ZNF354B: variants seen among roughly 807,000 people sequenced by gnomAD.
ZNF354B encodes zinc finger protein 354B.
In ZNF354B, 10 loss-of-function variants were observed where a neutral mutation model predicts 12.9. The ratio of observed to expected loss-of-function variants is 0.77; its 90% CI spans 0.48 to 1.31. The LOEUF (loss-of-function observed/expected upper bound fraction) is 1.31. Among genes scored for constraint, ZNF354B ranks in the 40% most tolerant of loss-of-function variants. The pLI, the probability that ZNF354B is intolerant of heterozygous loss-of-function variation, is 0.00. For missense variants in ZNF354B, 614 were observed against 711.7 expected (o/e 0.86, Z 1.56); for synonymous variants, 260 against 243.7 (o/e 1.07, Z -0.62).
chr5:178,870,478 C>A (rs1198538981), intron 4 of ZNF354B, among the ~76,000 whole-genome samples: 2 of 152,176 alleles, frequency 1.3e-5, no homozygotes, highest in Non-Finnish European at 2.9e-5. Flanking sequence ...CCGCGTTTTG[C>A]CATGTTGGCC....
At chr5:178,867,891 G>A (rs1466064704) in intron 4 of ZNF354B, among the ~76,000 whole-genome samples, 3 of 152,146 alleles carry the variant, frequency 2.0e-5, no homozygotes, top group East Asian at 1.9e-4. Context: ...TATTCATGAC[G>A]TTGCTATGTG....
chr5:178,882,610 A>G (rs1757732522), intron 4 of ZNF354B, 99 bp from the exon 5 acceptor site: 4 of 1,257,666 alleles, frequency 3.2e-6, no homozygotes, highest in Middle Eastern at 2.9e-4. Context: ...TTAGTCATAT[A>G]GCAAACCCTT....
In ZNF354B at chr5:178,883,264, T is replaced by C. The variant is rs777885840; in HGVS notation, c.812T>C (p.Ile271Thr). The part of the protein sequence containing the change: ...QRTHTGEKPY[I>T]CKECGKAFSH... ...ACTCATACAGGAGAGAAACCCTATA[T>C]ATGTAAAGAATGTGGGAAAGCCTTC... The change falls in exon 5 of 5, where the codon ATA becomes ACA. Residue 271 changes from isoleucine (I) to threonine (T), a missense_variant. Coordinates refer to ENST00000322434, the MANE Select transcript of ZNF354B (RefSeq NM_058230.3). The C allele has an allele frequency of 3.1e-6, 5 of 1,613,110 alleles. No individual in the cohort carries two copies. Among genetic ancestry groups the C allele is most frequent in the Non-Finnish European group, 3.4e-6 (4 of 1,179,800 alleles).
In ZNF354B at chr5:178,883,156, A is replaced by G. The variant is rs775272690; in HGVS notation, c.704A>G (p.Asn235Ser). The stretch of plus-strand genomic sequence containing the variant: ...TCATCCCTTCGTAAACATCAGAAAA[A>G]CCACACTGGAGAAAAATTATTTAAA... Reference protein sequence around the residue: ...HNSSLRKHQKNHTGEKLFKCK... With the variant: ...HNSSLRKHQKSHTGEKLFKCK... The change falls in exon 5 of 5, where the codon AAC becomes AGC. Residue 235 changes from asparagine to serine, a missense_variant. Transcript: ENST00000322434. The G allele has an allele frequency of 1.2e-6, 2 of 1,613,532 alleles. No individual in the cohort carries two copies. Among genetic ancestry groups the G allele is most frequent in the Admixed American group, 3.3e-5 (2 of 59,938 alleles).
chr5:178,866,650 T>G (rs1186020385), intron 3 of ZNF354B, among the ~76,000 whole-genome samples: 1 of 152,176 alleles, frequency 6.6e-6, no homozygotes, highest in African/African-American at 2.4e-5. Flanking sequence ...CCTGCTTTGG[T>G]TGTTCTGTGG....
rs1215508285 is a variant in ZNF354B, at chr5:178,883,613, T to C, written c.1161T>C (p.Cys387=). 8 of 1,613,556 alleles carry C rather than the reference T, an allele frequency of 5.0e-6. No individual in the cohort carries two copies. The highest frequency in any genetic ancestry group is 6.8e-6 in the Non-Finnish European group (8 of 1,179,660). ...AGAAGCCTTTTAAATGTAGTGAATG[T>C]GGGAGAGCCTTCAGCCAGAGTGCCT... ...TGEKPFKCSE[C]GRAFSQSASL... is the part of the protein sequence containing the mutation. Residue 387 remains cysteine, a synonymous_variant, in exon 5 of 5, where the codon TGT becomes TGC. Transcript: ENST00000322434.
intron 2 of ZNF354B, among the ~76,000 whole-genome samples, chr5:178,866,032 T>C (rs111910613): frequency 0.15 from 22,599 of 149,890 alleles, 2,062 homozygotes; most frequent in African/African-American, 0.26. Flanking sequence ...CTCTACCCAT[T>C]TCTTACAGTG....
rs2114031627 is a variant in ZNF354B at position 178,883,397 on chromosome 5, A to G, written c.945A>G (p.Ile315Met). Residue 315 changes from isoleucine (I) to methionine (M), a missense_variant, in exon 5 of 5, where the codon ATA becomes ATG. Coordinates refer to ENST00000322434, the MANE Select transcript of ZNF354B (RefSeq NM_058230.3). ...TCAGTCGAAGGTCTGGGCTTTTTAT[A>G]CATCAAAAAATCCATGCTCAAGAAA... ...KSFSRRSGLFIHQKIHAQENP... is the reference protein window; with the variant it reads ...KSFSRRSGLFMHQKIHAQENP... The G allele has an allele frequency of 6.2e-7, 1 of 1,614,146 alleles. No homozygotes were observed. Among genetic ancestry groups the G allele is most frequent in the Admixed American group, 1.7e-5 (1 of 60,032 alleles).
intron 1 of ZNF354B, among the ~76,000 whole-genome samples, chr5:178,860,404 G>A (rs1757327907): frequency 6.8e-6 from 1 of 148,004 alleles, no homozygotes; most frequent in South Asian, 2.1e-4. Context: ...GCGGACTCGG[G>A]GCGCCGGGAC....
At chr5:178,860,556 G>T (rs1339346533) in intron 1 of ZNF354B, 4 of 193,960 alleles carry the variant, frequency 2.1e-5, no homozygotes, top group Non-Finnish European at 4.2e-5. Context: ...TGGCGGGAGA[G>T]AGAGGAACCG....
At chr5:178,873,264 C>G (rs186155941) in intron 4 of ZNF354B, among the ~76,000 whole-genome samples, 5 of 152,150 alleles carry the variant, frequency 3.3e-5, no homozygotes, top group African/African-American at 1.2e-4. Flanking sequence ...ATCGTTTTTA[C>G]TGGTTCTTTT....
Position 178,866,243 on chromosome 5 carries a change from G to A in ZNF354B, c.34-1G>A, listed in dbSNP as rs753264927. 6.2e-7 allele frequency: 1 copy of A among 1,614,062 alleles called. No homozygotes were observed. The highest frequency in any genetic ancestry group is 8.5e-7 in the Non-Finnish European group (1 of 1,179,940). The stretch of plus-strand genomic sequence containing the variant: ...TGAGCTGGAACGACTTGTCCTTACA[G>A]GTGTCACTGACATTCGAGGACGTGG... On this transcript the variant is annotated splice_acceptor_variant, in intron 2 of 4. Transcript: ENST00000322434. LOFTEE classifies it high-confidence loss of function.
chr5:178,865,629 A>G (rs1757435550), intron 2 of ZNF354B, among the ~76,000 whole-genome samples: 3 of 152,182 alleles, frequency 2.0e-5, no homozygotes, highest in African/African-American at 4.8e-5. Context: ...AATGGGAACG[A>G]TAACTATTTT....
chr5:178,862,351 C>T (rs915081023), intron 2 of ZNF354B, among the ~76,000 whole-genome samples: 3 of 145,880 alleles, frequency 2.1e-5, no homozygotes, highest in African/African-American at 7.7e-5. Flanking sequence ...GCTTCTGCAG[C>T]GTGGCATTAT....
intron 4 of ZNF354B, among the ~76,000 whole-genome samples, chr5:178,878,267 C>T (rs1043193818): frequency 6.6e-6 from 1 of 151,920 alleles, no homozygotes; most frequent in Non-Finnish European, 1.5e-5. Context: ...CCTGTAGTCT[C>T]AGCTACTTGG....
At chr5:178,870,841 A>G (rs1757551557) in intron 4 of ZNF354B, among the ~76,000 whole-genome samples, 1 of 151,760 alleles carries the variant, frequency 6.6e-6, no homozygotes, top group Non-Finnish European at 1.5e-5. Flanking sequence ...TTGTTTTTGT[A>G]GAGATGGAGG....
chr5:178,883,127 C>T lies in ZNF354B; in HGVS notation c.675C>T (p.His225=). The part of the protein sequence containing the change: ...KCSTCEKAFI[H]NSSLRKHQKN... ...GTACATGTGAAAAAGCCTTCATTCACAATTCATCCCTTCGTAAACATCAGA... is the reference window on the plus strand; with the variant it reads ...GTACATGTGAAAAAGCCTTCATTCATAATTCATCCCTTCGTAAACATCAGA... Residue 225 remains histidine, a synonymous_variant, in exon 5 of 5, where the codon CAC becomes CAT. Coordinates refer to ENST00000322434, the MANE Select transcript of ZNF354B (RefSeq NM_058230.3). 6.2e-7 allele frequency: 1 copy of T among 1,612,292 alleles called. No homozygotes were observed. The highest frequency in any genetic ancestry group is 8.5e-7 in the Non-Finnish European group (1 of 1,179,612).
At chr5:178,876,171 A>G (rs138037191) in intron 4 of ZNF354B, among the ~76,000 whole-genome samples, 2 of 152,356 alleles carry the variant, frequency 1.3e-5, no homozygotes, top group East Asian at 3.9e-4. Context: ...CCTCAGAGAA[A>G]TGCAGAGCCA....
Position 178,884,053 on chromosome 5 carries a change from G to A in ZNF354B, c.1601G>A (p.Ser534Asn), listed in dbSNP as rs1168791988. ...CLECGMSFGQ[S>N]AALIQHQRIH... ...GAATGTGGGATGTCTTTTGGCCAAA[G>A]TGCAGCTCTTATACAACATCAGAGG... is the stretch of plus-strand genomic sequence containing the variant. Residue 534 changes from serine (S) to asparagine (N), a missense_variant, in exon 5 of 5, where the codon AGT (serine) becomes AAT (asparagine). Ser to Asn is a conservative substitution (Grantham distance 46, BLOSUM62 1). Coordinates refer to ENST00000322434, the MANE Select transcript of ZNF354B (RefSeq NM_058230.3). 1 of 1,613,956 alleles carries A rather than the reference G, an allele frequency of 6.2e-7. No individual in the cohort carries two copies. Among genetic ancestry groups the A allele is most frequent in the East Asian group, 2.2e-5 (1 of 44,882 alleles).
Sources: gnomAD v4.1 joint callset for allele counts (sites outside exome capture counted in the v4.1 genomes callset) on GRCh38, gnomAD v4.1.1 for gene constraint, MANE v1.5 for transcripts, NCBI Gene and HGNC (gene_info 2026-07-23, HGNC 2026-07-21) for gene names.